Variants in SEMA5A observed in about 807,000 individuals in gnomAD.
SEMA5A encodes semaphorin 5A.
Under a neutral mutation model 135.5 loss-of-function variants are expected in SEMA5A, and 55 were observed. The observed-to-expected ratio is 0.41, with a 90% CI of 0.33 to 0.51. The LOEUF is 0.51. SEMA5A is among the 20% of genes least tolerant of loss of function. SEMA5A has a pLI of 0.37. For missense variants in SEMA5A, 1,290 were observed against 1,419.9 expected (o/e 0.91, Z 1.47); for synonymous variants, 580 against 546.5 (o/e 1.06, Z -0.85).
chr5:9,475,104 G>A (rs1052149948), intron 1 of SEMA5A, among the ~76,000 whole-genome samples: 17 of 152,164 alleles, frequency 1.1e-4, no homozygotes, highest in African/African-American at 3.1e-4. Flanking sequence ...ACCTACTTTC[G>A]TATTTTTAGG....
rs567361633 is a variant in SEMA5A at position 9,249,060 on chromosome 5, G to A, written c.271-11170C>T. Among the ~76,000 whole-genome samples the A allele has an allele frequency of 6.6e-5, 10 of 152,334 alleles. No homozygotes were observed. In the East Asian group the frequency reaches 1.7e-3, roughly 26 times the overall value. Reference sequence around the variant, plus strand: ...GCATGGGGTGGACATGTTAGTATCTGTGTGTCCATCTACCAAACATCTGGG... The same window carrying A: ...GCATGGGGTGGACATGTTAGTATCTATGTGTCCATCTACCAAACATCTGGG... On this transcript the variant is annotated intron_variant, in intron 5 of 22. Transcript: ENST00000382496.
rs144446567 is a variant in SEMA5A, at chr5:9,201,978, G to A, written c.909C>T (p.Ile303=). The A allele has an allele frequency of 2.3e-4, 371 of 1,614,136 alleles. 1 individual carries two copies. In the African/African-American group the frequency reaches 4.5e-3, roughly 20 times the overall value. Residue 303 remains isoleucine (I), a synonymous_variant, in exon 9 of 23, where the codon ATC becomes ATT. Transcript: ENST00000382496. ...ACACATTGGTGGTAAAGATGCCATAGATCAAATCCAGCTCAGGCAGGAAGA... is the reference window on the plus strand; with the variant it reads ...ACACATTGGTGGTAAAGATGCCATAAATCAAATCCAGCTCAGGCAGGAAGA... ...STFFLPELDL[I]YGIFTTNVNS... is the part of the protein sequence containing the mutation.
chr5:9,129,712 T>C (rs990110124), intron 13 of SEMA5A, among the ~76,000 whole-genome samples: 1 of 152,242 alleles, frequency 6.6e-6, no homozygotes, highest in African/African-American at 2.4e-5. Context: ...TATTATACTA[T>C]TTAATATTAA....
intron 4 of SEMA5A, among the ~76,000 whole-genome samples, chr5:9,324,385 G>A (rs1752776970): frequency 6.6e-6 from 1 of 152,166 alleles, no homozygotes; most frequent in South Asian, 2.1e-4. Flanking sequence ...TATTTTAAAA[G>A]GTGAACCATA....
intron 16 of SEMA5A, among the ~76,000 whole-genome samples, chr5:9,096,111 C>A (rs1156231390): frequency 2.6e-5 from 4 of 152,068 alleles, no homozygotes; most frequent in Admixed American, 2.6e-4. Context: ...CTGGCTGTAC[C>A]GGCCTACATC....
At chr5:9,531,323 G>A (rs453742) in intron 1 of SEMA5A, among the ~76,000 whole-genome samples, 42,716 of 152,078 alleles carry the variant, frequency 0.28, 6,303 homozygotes, top group East Asian at 0.4. Context: ...ACCTACATTC[G>A]TAGGGAACTA....
chr5:9,220,513 T>C (rs1341551818), intron 8 of SEMA5A, among the ~76,000 whole-genome samples: 2 of 151,806 alleles, frequency 1.3e-5, no homozygotes, highest in Non-Finnish European at 2.9e-5. Context: ...AAAAACCACC[T>C]GTGCCCCAGA....
chr5:9,415,430 T>G (rs1470524857), intron 2 of SEMA5A, among the ~76,000 whole-genome samples: 2 of 152,312 alleles, frequency 1.3e-5, no homozygotes, highest in Non-Finnish European at 2.9e-5. Flanking sequence ...GACAGGAATC[T>G]AAATGCTTTG....
intron 5 of SEMA5A, among the ~76,000 whole-genome samples, chr5:9,253,998 A>G (rs180932242): frequency 1.3e-5 from 2 of 152,354 alleles, no homozygotes; most frequent in Admixed American, 1.3e-4. Flanking sequence ...AATGTTTAAT[A>G]TCAATAGATT....
chr5:9,185,224 A>G (rs1257089010), intron 11 of SEMA5A, among the ~76,000 whole-genome samples: 1 of 152,154 alleles, frequency 6.6e-6, no homozygotes, highest in African/African-American at 2.4e-5. Flanking sequence ...CACTGTGCCC[A>G]GCTCTATTTT....
intron 4 of SEMA5A, among the ~76,000 whole-genome samples, chr5:9,325,780 G>A (rs1044545347): frequency 6.6e-6 from 1 of 151,604 alleles, no homozygotes; most frequent in Non-Finnish European, 1.5e-5. Flanking sequence ...CATTCTCTTA[G>A]AATAACTCAA....
chr5:9,071,069 G>T (rs1463754812), intron 16 of SEMA5A, among the ~76,000 whole-genome samples: 4 of 152,250 alleles, frequency 2.6e-5, no homozygotes, highest in Admixed American at 1.3e-4. Context: ...ATTATGATTT[G>T]GCACCTAAGG....
At chr5:9,482,835 AT>A (rs748884099) in intron 1 of SEMA5A, among the ~76,000 whole-genome samples, 14 of 152,200 alleles carry the variant, frequency 9.2e-5, no homozygotes, top group Admixed American at 4.6e-4. Flanking sequence ...ATTTGTGTGT[AT>A]GGGGCTTCTG....
intron 5 of SEMA5A, among the ~76,000 whole-genome samples, chr5:9,280,330 TAAAGA>T (rs1013496821): frequency 2.6e-5 from 4 of 152,066 alleles, no homozygotes; most frequent in Admixed American, 6.6e-5. Flanking sequence ...AATAGAAAAG[TAAAGA>T]AAAGAAAGGC....
chr5:9,054,789 T>A (rs1207667664), intron 18 of SEMA5A, among the ~76,000 whole-genome samples: 1 of 152,150 alleles, frequency 6.6e-6, no homozygotes, highest in Admixed American at 6.5e-5. Flanking sequence ...ACACGTCCCA[T>A]GAGGAAGGTA....
chr5:9,534,049 A>C (rs1737608027), intron 1 of SEMA5A, among the ~76,000 whole-genome samples: 1 of 152,230 alleles, frequency 6.6e-6, no homozygotes, highest in Non-Finnish European at 1.5e-5. Flanking sequence ...ACTTTCAAGA[A>C]AGCAGCTTTC....
In SEMA5A at chr5:9,042,650, ATGAACACAATTAAAAACTT is replaced by A. The variant is rs1736023890; in HGVS notation, c.*228_*246del. On this transcript the variant is annotated 3_prime_UTR_variant, in exon 23 of 23. Coordinates refer to ENST00000382496, the MANE Select transcript of SEMA5A (RefSeq NM_003966.3). Reference sequence around the variant, plus strand: ...CCAATGGACTTGTCAGAAAAATAGGATGAACACAATTAAAAACTTCACACCCTGGCTCATTCAACAATGG... The same window carrying A: ...CCAATGGACTTGTCAGAAAAATAGGACACACCCTGGCTCATTCAACAATGG... 2 of 441,030 alleles carry A rather than the reference ATGAACACAATTAAAAACTT, an allele frequency of 4.5e-6. No homozygotes were observed. The highest frequency in any genetic ancestry group is 2.9e-5 in the South Asian group (1 of 34,268). 27.3% of individuals were successfully genotyped at this position (441,030 alleles called of 1,614,324 possible). A position where few individuals can be genotyped will look rare whatever the true frequency, so the allele number is the denominator to read the frequency against.
At chr5:9,144,474 A>C (rs930577857) in intron 12 of SEMA5A, among the ~76,000 whole-genome samples, 1 of 152,208 alleles carries the variant, frequency 6.6e-6, no homozygotes, top group Non-Finnish European at 1.5e-5. Context: ...TTCAATGCCA[A>C]GGAACCCTTC....
intron 14 of SEMA5A, among the ~76,000 whole-genome samples, chr5:9,120,295 C>T (rs17316598): frequency 0.071 from 10,839 of 152,104 alleles, 443 homozygotes; most frequent in South Asian, 0.16. Flanking sequence ...CCTTTTAAAA[C>T]ATGGAGGTCA....
Sources: allele counts gnomAD v4.1 joint callset (sites outside exome capture counted in the v4.1 genomes callset), GRCh38; gene constraint gnomAD v4.1.1; transcripts MANE v1.5; gene names NCBI Gene and HGNC (gene_info 2026-07-23, HGNC 2026-07-21).